Variants in PSD3 observed in about 807,000 individuals in gnomAD.
PSD3 encodes pleckstrin and Sec7 domain containing 3, also known as PH and SEC7 domain-containing protein 3.
Under a neutral mutation model 105.5 loss-of-function variants are expected in PSD3, and 49 were observed. The observed-to-expected ratio is 0.46, with a 90% CI of 0.37 to 0.59. PSD3 has a LOEUF of 0.59. PSD3 is among the 20% of genes least tolerant of loss of function. The probability of loss-of-function intolerance (pLI) is 0.00; values close to 1 mark genes in which losing one functional copy is unlikely to be tolerated. For synonymous variants in PSD3, 557 were observed against 457.8 expected (o/e 1.22, Z -2.77); for missense variants, 1,561 against 1,263.8 (o/e 1.24, Z -3.57).
chr8:18,829,993 T>C (rs754852373), intron 4 of PSD3, among the ~76,000 whole-genome samples: 1 of 152,174 alleles, frequency 6.6e-6, no homozygotes, highest in East Asian at 1.9e-4. Flanking sequence ...TTTTTTGAGA[T>C]GGAGTGCTTT....
At chr8:18,754,899 T>C (rs1019463898) in intron 9 of PSD3, among the ~76,000 whole-genome samples, 1 of 152,162 alleles carries the variant, frequency 6.6e-6, no homozygotes, top group African/African-American at 2.4e-5. Flanking sequence ...ATTGGCTAAG[T>C]AAATACCATG....
chr8:18,800,202 T>C (rs1374219014), intron 7 of PSD3, among the ~76,000 whole-genome samples: 2 of 152,224 alleles, frequency 1.3e-5, no homozygotes, highest in Non-Finnish European at 2.9e-5. Flanking sequence ...TATCCAAGAA[T>C]GTAAACATAT....
chr8:18,556,257 G>C lies in PSD3; in HGVS notation c.2880C>G (p.Ala960=), dbSNP rs750400494. The change falls in exon 15 of 16, where the codon GCC becomes GCG. Residue 960 remains alanine (A), a synonymous_variant. Coordinates refer to ENST00000327040, the MANE Select transcript of PSD3 (RefSeq NM_015310.4). ...TCAGTTTGTACTCATCGACGTCCTT[G>C]GCTTTGACCTTCTTGTCGGGGGGAT... ...RSYPPDKKVK[A]KDVDEYKLKD... 26 of 1,613,992 alleles carry C rather than the reference G, an allele frequency of 1.6e-5. No homozygotes were observed. The highest frequency in any genetic ancestry group is 2.1e-5 in the Non-Finnish European group (25 of 1,179,984).
At chr8:18,595,826 C>T (rs998376592) in intron 12 of PSD3, among the ~76,000 whole-genome samples, 11 of 152,142 alleles carry the variant, frequency 7.2e-5, no homozygotes, top group African/African-American at 2.6e-4. Flanking sequence ...CCACTCCCCA[C>T]TCTCTATAAT....
At chr8:18,705,680 A>C (rs1405486119) in intron 9 of PSD3, among the ~76,000 whole-genome samples, 1 of 152,188 alleles carries the variant, frequency 6.6e-6, no homozygotes, top group Non-Finnish European at 1.5e-5. Flanking sequence ...AGAAGACCAC[A>C]CTTAAATATG....
intron 1 of PSD3, among the ~76,000 whole-genome samples, chr8:19,072,806 A>AT (rs1278499326): frequency 1.3e-5 from 2 of 152,186 alleles, no homozygotes; most frequent in Non-Finnish European, 2.9e-5. Context: ...TTCTTTACAT[A>AT]TTATAACTCA....
chr8:18,678,344 C>G (rs1800186007), intron 9 of PSD3, among the ~76,000 whole-genome samples: 1 of 152,098 alleles, frequency 6.6e-6, no homozygotes, highest in South Asian at 2.1e-4. Flanking sequence ...TTTACATGAA[C>G]AAACCAAAGG....
At chr8:18,614,949 A>G (rs1316422710) in intron 11 of PSD3, among the ~76,000 whole-genome samples, 3 of 152,158 alleles carry the variant, frequency 2.0e-5, no homozygotes, top group African/African-American at 7.2e-5. Flanking sequence ...AATTCTATAA[A>G]GTATATCTGA....
chr8:18,772,293 T>G (rs576212988), intron 8 of PSD3, among the ~76,000 whole-genome samples: 248 of 152,304 alleles, frequency 1.6e-3, no homozygotes, highest in Non-Finnish European at 3.0e-3. Context: ...TCTCATTTTT[T>G]TGTGGACCCT....
chr8:19,048,768 A>T (rs1428526297), intron 1 of PSD3, among the ~76,000 whole-genome samples: 1 of 152,238 alleles, frequency 6.6e-6, no homozygotes, highest in Non-Finnish European at 1.5e-5. Context: ...TCCTCATTTT[A>T]CATGGATTTG....
At chr8:19,060,539 C>T (rs933528626) in intron 1 of PSD3, among the ~76,000 whole-genome samples, 1 of 152,144 alleles carries the variant, frequency 6.6e-6, no homozygotes, top group African/African-American at 2.4e-5. Flanking sequence ...GAGGCTGAGA[C>T]AGGAGGATTG....
In PSD3 at chr8:18,610,736, C is replaced by T. The variant is rs372159607; in HGVS notation, c.2411-10302G>A. 6.3e-4 allele frequency among the ~76,000 whole-genome samples: 96 copies of T among 152,254 alleles called. 2 individuals are homozygous for T. In the South Asian group the frequency reaches 8.5e-3, roughly 13 times the overall value. ...GAGAGAATTGGAAGAATATTCTATT[C>T]AAAGTGTTCCCTAGTGGGGTGCTGT... On this transcript the variant is annotated intron_variant, in intron 11 of 15. Transcript: ENST00000327040.
At chr8:18,673,186 TAAC>T in intron 9 of PSD3, among the ~76,000 whole-genome samples, 1 of 150,942 alleles carries the variant, frequency 6.6e-6, no homozygotes, top group African/African-American at 2.5e-5. Flanking sequence ...TTGGTTCTCT[TAAC>T]ACACACACCC....
intron 1 of PSD3, among the ~76,000 whole-genome samples, chr8:18,959,849 C>T (rs17384528): frequency 0.41 from 61,614 of 151,928 alleles, 12,710 homozygotes; most frequent in African/African-American, 0.43. Flanking sequence ...CCTGCAGTGC[C>T]GAGCTGAGGA....
At chr8:18,947,164 T>C (rs1822920098) in intron 1 of PSD3, among the ~76,000 whole-genome samples, 1 of 151,318 alleles carries the variant, frequency 6.6e-6, no homozygotes. Flanking sequence ...CTCTCAAGAG[T>C]AGAGAGCTTC....
intron 1 of PSD3, among the ~76,000 whole-genome samples, chr8:18,976,759 T>A (rs1187953911): frequency 6.6e-6 from 1 of 152,248 alleles, no homozygotes; most frequent in African/African-American, 2.4e-5. Flanking sequence ...TTATCCATAG[T>A]AGCTGATTTT....
At chr8:18,998,002 TTTTAC>T (rs1214858650) in intron 1 of PSD3, among the ~76,000 whole-genome samples, 1 of 151,986 alleles carries the variant, frequency 6.6e-6, no homozygotes, top group African/African-American at 2.4e-5. Context: ...TTAATTTTTA[TTTTAC>T]TTATTTTTTT....
intron 9 of PSD3, among the ~76,000 whole-genome samples, chr8:18,750,818 G>A (rs1005483652): frequency 7.2e-5 from 11 of 152,096 alleles, no homozygotes; most frequent in East Asian, 3.9e-4. Context: ...ACAGAGTGTC[G>A]ATTGGTGCAC....
chr8:19,049,260 G>T (rs1828431753), intron 1 of PSD3, among the ~76,000 whole-genome samples: 1 of 152,184 alleles, frequency 6.6e-6, no homozygotes, highest in South Asian at 2.1e-4. Flanking sequence ...ATCTTGCAAG[G>T]TGGAGCGGAG....
Sources: allele counts gnomAD v4.1 joint callset (sites outside exome capture counted in the v4.1 genomes callset), GRCh38; gene constraint gnomAD v4.1.1; transcripts MANE v1.5; gene names NCBI Gene and HGNC (gene_info 2026-07-23, HGNC 2026-07-21).